ZPLD1: variants seen among roughly 807,000 people sequenced by gnomAD.
The protein encoded by ZPLD1 is zona pellucida-like domain-containing protein 1.
ZPLD1 carries 34 observed loss-of-function variants against 47.2 expected under a neutral mutation model. The ratio of observed to expected loss-of-function variants is 0.72; its 90% CI spans 0.55 to 0.96. The LOEUF (loss-of-function observed/expected upper bound fraction) is 0.96, where lower values mean the gene tolerates loss of function less well. ZPLD1 is among the 40% of genes least tolerant of loss of function. The pLI, the probability that ZPLD1 is intolerant of heterozygous loss-of-function variation, is 0.00. For synonymous variants in ZPLD1, 176 were observed against 186.2 expected (o/e 0.95, Z 0.45); for missense variants, 512 against 505.8 (o/e 1.01, Z -0.12).
intron 6 of ZPLD1, among the ~76,000 whole-genome samples, chr3:102,458,197 AT>A (rs1023332926): frequency 9.9e-5 from 15 of 151,974 alleles, no homozygotes; most frequent in Non-Finnish European, 1.6e-4. Context: ...GGAAATATAT[AT>A]TTTTTTTATG....
Position 102,468,944 on chromosome 3 carries a change from T to G in ZPLD1, c.762-20T>G, listed in dbSNP as rs757770752. On this transcript the variant is annotated intron_variant, in intron 8 of 11. Coordinates refer to ENST00000466937, the MANE Select transcript of ZPLD1 (RefSeq NM_001329788.2). ...GGTACTTTCCAGTGATGTCCTGTTT[T>G]CACGTTCCCTAAAATTTAGCTGTGA... is the stretch of plus-strand genomic sequence containing the variant. 1 of 1,601,466 alleles carries G rather than the reference T, an allele frequency of 6.2e-7. No homozygotes were observed. Among genetic ancestry groups the G allele is most frequent in the African/African-American group, 1.3e-5 (1 of 74,498 alleles).
In ZPLD1 at chr3:102,479,705, A is replaced by G. The variant is rs1370984063; in HGVS notation, c.*2087A>G. 1 of 152,196 alleles carries G rather than the reference A, an allele frequency of 6.6e-6. No homozygotes were observed. The highest frequency in any genetic ancestry group is 1.9e-4 in the East Asian group (1 of 5,202). 9.4% of individuals were successfully genotyped at this position (152,196 alleles called of 1,614,324 possible). ...AGTTATACTGAATTTTACAGTTATT[A>G]TAGTGTGAAAAACCTTACAAAATAT... is the stretch of plus-strand genomic sequence containing the variant. On this transcript the variant is annotated 3_prime_UTR_variant, in exon 12 of 12. Transcript: ENST00000466937.
At chr3:102,385,765 G>A (rs1052315423) in intron 6 of ZPLD1, among the ~76,000 whole-genome samples, 1 of 152,118 alleles carries the variant, frequency 6.6e-6, no homozygotes, top group Non-Finnish European at 1.5e-5. Context: ...ATCACTCACA[G>A]GATTTGTTTG....
rs572487360 is a variant in ZPLD1 at position 102,478,147 on chromosome 3, C to T, written c.*529C>T. 30 of 152,222 alleles carry T rather than the reference C, an allele frequency of 2.0e-4. No homozygotes were observed. Among genetic ancestry groups the T allele is most frequent in the African/African-American group, 6.7e-4 (28 of 41,534 alleles). 9.4% of individuals were successfully genotyped at this position (152,222 alleles called of 1,614,324 possible). On this transcript the variant is annotated 3_prime_UTR_variant, in exon 12 of 12. Coordinates refer to ENST00000466937, the MANE Select transcript of ZPLD1 (RefSeq NM_001329788.2). The stretch of plus-strand genomic sequence containing the variant: ...TTCTATGACCTCCTGTGTTTTTGGC[C>T]GATTTTCATGTCTGACCATATTCAT...
intron 6 of ZPLD1, among the ~76,000 whole-genome samples, chr3:102,461,834 T>C (rs2107346422): frequency 6.6e-6 from 1 of 152,168 alleles, no homozygotes; most frequent in South Asian, 2.1e-4. Flanking sequence ...AATAAAATAT[T>C]ATCAGAAGTA....
At chr3:102,451,930 C>G (rs1707343154) in intron 3 of ZPLD1, among the ~76,000 whole-genome samples, 1 of 152,058 alleles carries the variant, frequency 6.6e-6, no homozygotes, top group African/African-American at 2.4e-5. Context: ...GCCTAAGGTA[C>G]TGAGGGTTAG....
chr3:102,404,530 G>A (rs936337070), intron 7 of ZPLD1, among the ~76,000 whole-genome samples: 9 of 151,924 alleles, frequency 5.9e-5, no homozygotes, highest in African/African-American at 1.2e-4. Context: ...TGAATGTTTC[G>A]GGTGAGAGTC....
chr3:102,442,417 C>A (rs1352965759), intron 3 of ZPLD1, among the ~76,000 whole-genome samples: 3 of 151,492 alleles, frequency 2.0e-5, no homozygotes. Flanking sequence ...ATTTTAATAA[C>A]ACAAATATTA....
chr3:102,438,160 T>C (rs867644823), intron 2 of ZPLD1, among the ~76,000 whole-genome samples: 2 of 152,358 alleles, frequency 1.3e-5, no homozygotes, highest in Middle Eastern at 6.8e-3. Flanking sequence ...ATCTGCTAGA[T>C]ACTTGGTTTG....
intron 8 of ZPLD1, among the ~76,000 whole-genome samples, chr3:102,466,948 A>C (rs1480907804): frequency 6.6e-6 from 1 of 152,060 alleles, no homozygotes; most frequent in East Asian, 1.9e-4. Flanking sequence ...AATTAAAAAA[A>C]AATCTTACAT....
chr3:102,462,141 C>A (rs1398726311), intron 6 of ZPLD1, 140 bp from the exon 7 acceptor site: 4 of 510,796 alleles, frequency 7.8e-6, no homozygotes, highest in African/African-American at 6.0e-5. Flanking sequence ...ACCAGAGGGT[C>A]ACGTAAATCC....
chr3:102,421,064 C>G (rs560393742), intron 8 of ZPLD1, among the ~76,000 whole-genome samples: 2 of 151,810 alleles, frequency 1.3e-5, no homozygotes, highest in African/African-American at 4.8e-5. Flanking sequence ...TTAACTTGAA[C>G]CTTTCACTAA....
Position 102,477,023 on chromosome 3 carries a change from A to T in ZPLD1, c.1054A>T (p.Thr352Ser). The T allele has an allele frequency of 6.2e-7, 1 of 1,613,648 alleles. No homozygotes were observed. Among genetic ancestry groups the T allele is most frequent in the Non-Finnish European group, 8.5e-7 (1 of 1,179,670 alleles). The change falls in exon 11 of 12, where the codon ACC becomes TCC. Residue 352 changes from threonine to serine, a missense_variant. Physicochemically the swap from Thr to Ser is moderately conservative, Grantham distance 58 (BLOSUM62 1). Transcript: ENST00000466937. Reference protein sequence around the residue: ...PIITRSDETPTNNSQLGSPSM... With the variant: ...PIITRSDETPSNNSQLGSPSM... ...TTTTTTCCCCTCAGATGAGACTCCA[A>T]CCAACAATTCGCAACTTGGTAAGAT...
Position 102,462,330 on chromosome 3 carries a change from T to G in ZPLD1, c.632T>G (p.Leu211Trp). Residue 211 changes from leucine to tryptophan, a missense_variant, in exon 7 of 12, where the codon TTG becomes TGG. Coordinates refer to ENST00000466937, the MANE Select transcript of ZPLD1 (RefSeq NM_001329788.2). ...QLIIPSIGLP[L>W]KTKVFAAVQA... ...ATTATCCCCAGTATAGGATTACCTT[T>G]GAAAACCAAAGTATTTGCAGCTGTC... The G allele has an allele frequency of 6.2e-7, 1 of 1,612,054 alleles. No homozygotes were observed. Among genetic ancestry groups the G allele is most frequent in the Non-Finnish European group, 8.5e-7 (1 of 1,179,012 alleles).
upstream of ZPLD1, among the ~76,000 whole-genome samples, chr3:102,432,591 G>A (rs1044440893): frequency 6.6e-6 from 1 of 152,130 alleles, no homozygotes; most frequent in Non-Finnish European, 1.5e-5. Flanking sequence ...TATTTCTTGA[G>A]AGCAGATAAA....
intron 1 of ZPLD1, among the ~76,000 whole-genome samples, chr3:102,435,482 A>G (rs1707075335): frequency 6.6e-6 from 1 of 152,176 alleles, no homozygotes; most frequent in Non-Finnish European, 1.5e-5. Flanking sequence ...TCAGACCTAG[A>G]CATTGTTTTC....
At chr3:102,442,877 T>C (rs1477369464) in intron 3 of ZPLD1, among the ~76,000 whole-genome samples, 1 of 152,172 alleles carries the variant, frequency 6.6e-6, no homozygotes, top group Admixed American at 6.5e-5. Flanking sequence ...GGTGGTTAAC[T>C]CTTGGTTATC....
chr3:102,388,371 A>G (rs576003840), intron 6 of ZPLD1, among the ~76,000 whole-genome samples: 1 of 150,402 alleles, frequency 6.6e-6, no homozygotes, highest in East Asian at 2.0e-4. Flanking sequence ...ATAACTTATT[A>G]TTTGGGCTAT....
chr3:102,407,863 C>A (rs905000959), intron 7 of ZPLD1, among the ~76,000 whole-genome samples: 2 of 151,708 alleles, frequency 1.3e-5, no homozygotes, highest in African/African-American at 4.8e-5. Context: ...TTTTTCCTAT[C>A]CTCCAGTATC....
Sources: gnomAD v4.1 joint callset for allele counts (sites outside exome capture counted in the v4.1 genomes callset) on GRCh38, gnomAD v4.1.1 for gene constraint, MANE v1.5 for transcripts, NCBI Gene and HGNC (gene_info 2026-07-23, HGNC 2026-07-21) for gene names.